The following TMED10 variants were observed in gnomAD, a reference collection of about 807,000 sequenced individuals.
TMED10 encodes transmembrane p24 trafficking protein 10, also known as transmembrane emp24 domain-containing protein 10.
In TMED10, 7 loss-of-function variants were observed where a neutral mutation model predicts 23.1. The observed-to-expected ratio is 0.30, with a 90% CI of 0.17 to 0.57. The LOEUF (loss-of-function observed/expected upper bound fraction) is 0.57, where lower values mean the gene tolerates loss of function less well. TMED10 is among the 20% of genes least tolerant of loss of function. TMED10 has a pLI of 0.91. For missense variants in TMED10, 162 were observed against 274.8 expected, an observed-to-expected ratio of 0.59 and a Z score of 2.90; for synonymous variants, 113 against 106.9, an observed-to-expected ratio of 1.06 and a Z score of -0.35.
At chr14:75,163,900 C>T (rs1254808760) in intron 1 of TMED10, among the ~76,000 whole-genome samples, 2 of 151,864 alleles carry the variant, frequency 1.3e-5, no homozygotes, top group African/African-American at 2.4e-5. Context: ...GCTGGGATTA[C>T]AAGGACACAC....
chr14:75,162,576 T>A (rs1896098141), intron 1 of TMED10, among the ~76,000 whole-genome samples: 1 of 152,086 alleles, frequency 6.6e-6, no homozygotes, highest in African/African-American at 2.4e-5. Flanking sequence ...CTACATAAAG[T>A]GACTTCCTTC....
chr14:75,137,343 T>G (rs992905884), intron 3 of TMED10, among the ~76,000 whole-genome samples: 3 of 150,060 alleles, frequency 2.0e-5, no homozygotes, highest in African/African-American at 7.3e-5. Flanking sequence ...TACATACCAG[T>G]TGCTCTTAAA....
At chr14:75,148,411 AAAC>A (rs1335966874) in intron 2 of TMED10, among the ~76,000 whole-genome samples, 3 of 152,124 alleles carry the variant, frequency 2.0e-5, no homozygotes, top group Non-Finnish European at 4.4e-5. Context: ...GAAAAAAAAA[AAAC>A]AACTTTAAGT....
At chr14:75,135,664 T>C in intron 4 of TMED10, 96 bp downstream of exon 4, 1 of 1,533,072 alleles carries the variant, frequency 6.5e-7, no homozygotes, top group South Asian at 1.3e-5. Context: ...TATACCCACC[T>C]TGGCAAAACT....
At chr14:75,139,805 A>T (rs993767854) in intron 3 of TMED10, among the ~76,000 whole-genome samples, 2 of 152,144 alleles carry the variant, frequency 1.3e-5, no homozygotes, top group African/African-American at 4.8e-5. Context: ...AATCTTAAAG[A>T]AATCTCAAGA....
intron 1 of TMED10, chr14:75,175,986 G>C: frequency 3.5e-6 from 1 of 287,604 alleles, no homozygotes; most frequent in South Asian, 3.5e-5. Flanking sequence ...TGCAGGTATC[G>C]CGGTATCTTA....
intron 4 of TMED10, 43 bp from the exon 5 acceptor site, chr14:75,135,049 T>C (rs758722084): frequency 1.9e-6 from 3 of 1,608,872 alleles, no homozygotes; most frequent in Non-Finnish European, 2.5e-6. Flanking sequence ...GAAGTGAGCC[T>C]CCTCAGCTGG....
chr14:75,159,623 G>C (rs1295019046), intron 1 of TMED10, among the ~76,000 whole-genome samples: 1 of 152,088 alleles, frequency 6.6e-6, no homozygotes, highest in African/African-American at 2.4e-5. Flanking sequence ...CTTAAGGAGA[G>C]GAGTCTCTCT....
chr14:75,136,406 G>A (rs1466737270), intron 3 of TMED10, among the ~76,000 whole-genome samples: 2 of 152,150 alleles, frequency 1.3e-5, no homozygotes, highest in African/African-American at 2.4e-5. Flanking sequence ...CAATCTGTCC[G>A]CCTTGGCCTC....
chr14:75,138,833 A>C (rs404103), intron 3 of TMED10, among the ~76,000 whole-genome samples: 55,772 of 129,790 alleles, frequency 0.43, 9,725 homozygotes, highest in Middle Eastern at 0.5. Flanking sequence ...TTTTTTTTTT[A>C]TTTTTGTTGT....
chr14:75,148,565 C>T (rs77501946), intron 2 of TMED10, among the ~76,000 whole-genome samples: 3,205 of 152,218 alleles, frequency 0.021, 71 homozygotes, highest in African/African-American at 0.05. Flanking sequence ...GAAAACTGTT[C>T]AGCCCCAATC....
In TMED10 at chr14:75,153,777, C is replaced by CTTTTTTT. The variant is rs59328978; in HGVS notation, c.226-1641_226-1635dup. ...GGTGAGACTTTCTATTTTTTTTTCCCTTTTTTTTTTTGAAATGGAGTCTCA... is the reference window on the plus strand; with the variant it reads ...GGTGAGACTTTCTATTTTTTTTTCCCTTTTTTTTTTTTTTTTTTGAAATGGAGTCTCA... On this transcript the variant is annotated intron_variant, in intron 1 of 4. Transcript: ENST00000303575. Among the ~76,000 whole-genome samples, 13 of 131,746 alleles carry CTTTTTTT rather than the reference C, an allele frequency of 9.9e-5. 1 individual carries two copies. The highest frequency in any genetic ancestry group is 2.4e-4 in the East Asian group (1 of 4,138). The allele number at this position is 131,746 out of a possible 152,430, so 86.4% of individuals were successfully genotyped here. A position where few individuals can be genotyped will look rare whatever the true frequency, so the allele number is the denominator to read the frequency against.
At position 75,134,796 on chromosome 14, in the gene TMED10, T is replaced by A; in HGVS notation, c.*89A>T. 6.4e-7 allele frequency: 1 copy of A among 1,565,628 alleles called. No individual in the cohort carries two copies. The highest frequency in any genetic ancestry group is 8.7e-7 in the Non-Finnish European group (1 of 1,143,658). ...AGAAAGCTCCAACGTGCCTTGATGGTGCTGTTGGTAGGATGCCTTAGGCCA... is the reference window on the plus strand; with the variant it reads ...AGAAAGCTCCAACGTGCCTTGATGGAGCTGTTGGTAGGATGCCTTAGGCCA... On this transcript the variant is annotated 3_prime_UTR_variant, in exon 5 of 5. Coordinates refer to ENST00000303575, the MANE Select transcript of TMED10 (RefSeq NM_006827.6).
At chr14:75,157,711 G>A (rs974023084) in intron 1 of TMED10, among the ~76,000 whole-genome samples, 51 of 152,130 alleles carry the variant, frequency 3.4e-4, no homozygotes, top group African/African-American at 1.1e-3. Context: ...AGGCCGAGGC[G>A]GGTGGATCAC....
chr14:75,169,136 T>C (rs893860466), intron 1 of TMED10, among the ~76,000 whole-genome samples: 1 of 152,192 alleles, frequency 6.6e-6, no homozygotes, highest in Non-Finnish European at 1.5e-5. Context: ...TAGGATAAGG[T>C]CCTACTATGT....
intron 1 of TMED10, among the ~76,000 whole-genome samples, chr14:75,168,492 A>C (rs755990616): frequency 3.9e-5 from 6 of 152,064 alleles, no homozygotes. Flanking sequence ...AATACAGAGG[A>C]AAGAAAAGAG....
chr14:75,139,227 C>T, intron 3 of TMED10: 1 of 429,944 alleles, frequency 2.3e-6, no homozygotes, highest in Non-Finnish European at 4.6e-6. Context: ...TTATAAATGG[C>T]ATACTACACA....
rs372839892 is a variant in TMED10 at position 75,158,388 on chromosome 14, C to T, written c.226-6245G>A. Among the ~76,000 whole-genome samples the T allele has an allele frequency of 2.1e-4, 32 of 152,056 alleles. 1 individual carries two copies. The highest frequency in any genetic ancestry group is 1.2e-3 in the East Asian group (6 of 5,166). On this transcript the variant is annotated intron_variant, in intron 1 of 4. Transcript: ENST00000303575. Reference sequence around the variant, plus strand: ...TGTTGCCCAGGCTGGAGTGCAGCTGCACAATCACAGCTTACTGCAGCCTCA... The same window carrying T: ...TGTTGCCCAGGCTGGAGTGCAGCTGTACAATCACAGCTTACTGCAGCCTCA...
At chr14:75,145,027 G>C (rs1484439565) in intron 3 of TMED10, among the ~76,000 whole-genome samples, 4 of 152,200 alleles carry the variant, frequency 2.6e-5, no homozygotes, top group Admixed American at 6.5e-5. Flanking sequence ...GCTGGTCTTC[G>C]GACTGTGTCA....
Sources: allele counts gnomAD v4.1 joint callset (sites outside exome capture counted in the v4.1 genomes callset), GRCh38; gene constraint gnomAD v4.1.1; transcripts MANE v1.5; gene names NCBI Gene and HGNC (gene_info 2026-07-23, HGNC 2026-07-21).